The following ARMH3 variants were observed in gnomAD, a reference collection of about 807,000 sequenced individuals.
ARMH3 encodes armadillo-like helical domain-containing protein 3.
Under a neutral mutation model 99.1 loss-of-function variants are expected in ARMH3, and 60 were observed. The observed-to-expected ratio is 0.61, with a 90% CI of 0.49 to 0.75. ARMH3 has a LOEUF of 0.75. Among genes scored for constraint, ARMH3 ranks in the 30% least tolerant of loss-of-function variants. The probability of loss-of-function intolerance (pLI) is 0.00; values close to 1 mark genes in which losing one functional copy is unlikely to be tolerated. For synonymous variants in ARMH3, 285 were observed against 292.8 expected (o/e 0.97, Z 0.27); for missense variants, 679 against 843.1 (o/e 0.81, Z 2.41).
intron 1 of ARMH3, 82 bp from the exon 2 acceptor site, chr10:102,040,207 C>G: frequency 8.3e-7 from 1 of 1,198,820 alleles, no homozygotes; most frequent in Non-Finnish European, 1.2e-6. Flanking sequence ...ATACATTTGT[C>G]CAAGCCCATA....
chr10:102,055,836 TC>T (rs769466644), intron 1 of ARMH3, among the ~76,000 whole-genome samples: 160 of 152,266 alleles, frequency 1.1e-3, no homozygotes, highest in Middle Eastern at 0.01. Context: ...GACCGTGTGG[TC>T]CGAGGGACCG....
chr10:101,932,990 T>A (rs1045503616), intron 23 of ARMH3, among the ~76,000 whole-genome samples: 1 of 152,074 alleles, frequency 6.6e-6, no homozygotes, highest in African/African-American at 2.4e-5. Flanking sequence ...ATCGAGACCA[T>A]CCTGGCTAAC....
chr10:101,962,846 T>C (rs1239868376), intron 20 of ARMH3, among the ~76,000 whole-genome samples: 1 of 152,208 alleles, frequency 6.6e-6, no homozygotes, highest in Non-Finnish European at 1.5e-5. Flanking sequence ...AGGAGCTATC[T>C]AGGGCCAATA....
chr10:101,940,422 A>G (rs1844185134), intron 22 of ARMH3, among the ~76,000 whole-genome samples: 1 of 152,002 alleles, frequency 6.6e-6, no homozygotes, highest in Non-Finnish European at 1.5e-5. Flanking sequence ...ATCCACATAG[A>G]GGATGGTCAT....
chr10:101,963,035 T>C (rs1051640990), intron 20 of ARMH3, among the ~76,000 whole-genome samples: 1 of 150,896 alleles, frequency 6.6e-6, no homozygotes, highest in African/African-American at 2.4e-5. Flanking sequence ...AGTGGCATGA[T>C]CTTGTCCCAC....
In ARMH3 at chr10:102,039,873, T is replaced by C. The variant is rs192248917; in HGVS notation, c.102+140A>G. Reference sequence around the variant, plus strand: ...ATCTCTACTCTGACAGCTTTCATTTTTGCCCTCAAACCCTCTTTCTCTCCC... The same window carrying C: ...ATCTCTACTCTGACAGCTTTCATTTCTGCCCTCAAACCCTCTTTCTCTCCC... On this transcript the variant is annotated intron_variant, in intron 2 of 25. Coordinates refer to ENST00000370033, the MANE Select transcript of ARMH3 (RefSeq NM_024541.3). 1.3e-4 allele frequency: 92 copies of C among 684,654 alleles called. No individual in the cohort carries two copies. The South Asian group carries it at 1.4e-3, about 11-fold the overall frequency. 42.4% of individuals were successfully genotyped at this position (684,654 alleles called of 1,614,324 possible). A position where few individuals can be genotyped will look rare whatever the true frequency, so the allele number is the denominator to read the frequency against.
At chr10:101,874,969 C>T (rs2067225346) in intron 24 of ARMH3, among the ~76,000 whole-genome samples, 1 of 152,152 alleles carries the variant, frequency 6.6e-6, no homozygotes, top group South Asian at 2.1e-4. Context: ...GATCCTGATA[C>T]ATACTCCATG....
intron 23 of ARMH3, among the ~76,000 whole-genome samples, chr10:101,918,933 G>A (rs1487869489): frequency 6.6e-6 from 1 of 152,234 alleles, no homozygotes; most frequent in Non-Finnish European, 1.5e-5. Context: ...GCTCAGGTTT[G>A]TGGGGCACAG....
intron 19 of ARMH3, among the ~76,000 whole-genome samples, chr10:101,988,437 TG>T (rs1846612888): frequency 6.6e-6 from 1 of 152,228 alleles, no homozygotes; most frequent in Admixed American, 6.5e-5. Context: ...TAAAATAAGC[TG>T]AACACTCATC....
At chr10:101,849,703 T>C in intron 25 of ARMH3, 73 bp downstream of exon 25, 1 of 1,273,014 alleles carries the variant, frequency 7.9e-7, no homozygotes, top group Non-Finnish European at 1.1e-6. Context: ...GCAGATAAAC[T>C]GCAGATAAAC....
At chr10:102,034,332 T>C (rs1222565871) in intron 2 of ARMH3, among the ~76,000 whole-genome samples, 1 of 151,748 alleles carries the variant, frequency 6.6e-6, no homozygotes, top group Non-Finnish European at 1.5e-5. Context: ...GGTTAATGGG[T>C]AAAACAAGAA....
At chr10:101,990,341 G>A (rs767139736) in intron 19 of ARMH3, among the ~76,000 whole-genome samples, 4 of 151,896 alleles carry the variant, frequency 2.6e-5, no homozygotes, top group Non-Finnish European at 5.9e-5. Flanking sequence ...CCACCACTGC[G>A]CCCAGATAAT....
intron 21 of ARMH3, among the ~76,000 whole-genome samples, chr10:101,957,032 T>A (rs1590082712): frequency 6.6e-6 from 1 of 152,378 alleles, no homozygotes; most frequent in East Asian, 1.9e-4. Flanking sequence ...GCAAACATCA[T>A]ATAATGGTGT....
At chr10:102,027,601 C>CT (rs1340733808) in intron 5 of ARMH3, among the ~76,000 whole-genome samples, 3 of 151,916 alleles carry the variant, frequency 2.0e-5, no homozygotes. Context: ...TCAGCAAGTA[C>CT]TTGCAGAGGA....
At chr10:102,040,900 G>A (rs1231750112) in intron 1 of ARMH3, among the ~76,000 whole-genome samples, 3 of 151,774 alleles carry the variant, frequency 2.0e-5, no homozygotes, top group Non-Finnish European at 2.9e-5. Flanking sequence ...GTAGGTCCTC[G>A]TCACTGCAAA....
chr10:102,021,894 G>C (rs1221034838), intron 8 of ARMH3, among the ~76,000 whole-genome samples: 1 of 151,848 alleles, frequency 6.6e-6, no homozygotes, highest in Non-Finnish European at 1.5e-5. Context: ...CTTACTATTT[G>C]AGTAAGACTG....
At position 102,021,709 on chromosome 10, in the gene ARMH3, G is replaced by A. The variant is rs557001584; in HGVS notation, c.669+1768C>T. The stretch of plus-strand genomic sequence containing the variant: ...ACTACAGGTGCCCGCCACTACGCCC[G>A]GCTAATTTTTGTATTTTTAGTAGAG... On this transcript the variant is annotated intron_variant, in intron 8 of 25. Coordinates refer to ENST00000370033, the MANE Select transcript of ARMH3 (RefSeq NM_024541.3). Among the ~76,000 whole-genome samples, 319 of 152,048 alleles carry A rather than the reference G, an allele frequency of 2.1e-3. 1 individual carries two copies. Among genetic ancestry groups the A allele is most frequent in the African/African-American group, 5.4e-3 (226 of 41,478 alleles).
intron 23 of ARMH3, among the ~76,000 whole-genome samples, chr10:101,889,947 CA>C (rs1351737660): frequency 6.6e-6 from 1 of 152,072 alleles, no homozygotes; most frequent in African/African-American, 2.4e-5. Context: ...AGTTTCAAAC[CA>C]AAATTTTATA....
chr10:101,942,791 T>G (rs1844303235), intron 22 of ARMH3, among the ~76,000 whole-genome samples: 1 of 149,724 alleles, frequency 6.7e-6, no homozygotes, highest in Admixed American at 6.8e-5. Context: ...GCTTTAACCC[T>G]GGAGGCACAA....
Sources: allele counts gnomAD v4.1 joint callset (sites outside exome capture counted in the v4.1 genomes callset), GRCh38; gene constraint gnomAD v4.1.1; transcripts MANE v1.5; gene names NCBI Gene and HGNC (gene_info 2026-07-23, HGNC 2026-07-21).